Variants in CNOT1 observed in about 807,000 individuals in gnomAD.
CNOT1 encodes CCR4-NOT transcription complex subunit 1.
Under a neutral mutation model 273.8 loss-of-function variants are expected in CNOT1, and 15 were observed. That is an observed-to-expected ratio of 0.05 (90% CI 0.04 to 0.08). The LOEUF (loss-of-function observed/expected upper bound fraction) is 0.08, where lower values mean the gene tolerates loss of function less well. Ranked by LOEUF, CNOT1 falls within the 10% of genes least tolerant of loss-of-function variation. The pLI is 1.00. For missense variants in CNOT1, 1,644 were observed against 2,912.2 expected (o/e 0.56, Z 10.02); for synonymous variants, 1,022 against 1,005.5 (o/e 1.02, Z -0.31).
chr16:58,581,213 G>C, intron 11 of CNOT1, 132 bp downstream of exon 11: 1 of 1,028,958 alleles, frequency 9.7e-7, no homozygotes, highest in South Asian at 2.1e-5. Flanking sequence ...CTTATGGACA[G>C]TCCTTGCTTT....
intron 44 of CNOT1, among the ~76,000 whole-genome samples, chr16:58,527,079 A>G (rs958117337): frequency 6.6e-6 from 1 of 152,164 alleles, no homozygotes; most frequent in Non-Finnish European, 1.5e-5. Flanking sequence ...GGGTGGTGAG[A>G]TTTTAAGTGG....
At position 58,623,192 on chromosome 16, in the gene CNOT1, A is replaced by G. The variant is rs1445221140; in HGVS notation, c.-175+6536T>C. On this transcript the variant is annotated intron_variant, in intron 1 of 48. Coordinates refer to ENST00000317147, the MANE Select transcript of CNOT1 (RefSeq NM_016284.5). Reference sequence around the variant, plus strand: ...GGGATACAGCGAGACTCTGCCTCCAAAAAAAAAAAGAAAAGAAAATACTTC... The same window carrying G: ...GGGATACAGCGAGACTCTGCCTCCAGAAAAAAAAAGAAAAGAAAATACTTC... 7.9e-4 allele frequency: 8 copies of G among 10,082 alleles called. 2 individuals are homozygous for G. The highest frequency in any genetic ancestry group is 3.1e-3 in the Admixed American group (6 of 1,928). 0.6% of individuals were successfully genotyped at this position (10,082 alleles called of 1,614,324 possible). A position where few individuals can be genotyped will look rare whatever the true frequency, so the allele number is the denominator to read the frequency against.
At chr16:58,596,916 A>C (rs1004842101) in intron 2 of CNOT1, among the ~76,000 whole-genome samples, 2 of 123,738 alleles carry the variant, frequency 1.6e-5, no homozygotes, top group Non-Finnish European at 1.7e-5. Flanking sequence ...AAAAAAAAAA[A>C]ACAAAAGTCA....
Position 58,556,894 on chromosome 16 carries a change from G to A in CNOT1, c.2432C>T (p.Thr811Ile). 1 of 1,614,106 alleles carries A rather than the reference G, an allele frequency of 6.2e-7. No individual in the cohort carries two copies. The change falls in exon 19 of 49, where the codon ACC becomes ATC. Residue 811 changes from threonine to isoleucine, a missense_variant. Thr to Ile is a moderately conservative substitution (Grantham distance 89). Around this residue, in one of 13 missense-constraint regions of CNOT1, gnomAD observed 706 missense variants for 1,021.2 expected, o/e 0.69. Transcript: ENST00000317147. ...GAATGTAGGCTGATTCAGTCCAGAG[G>A]TGCCCAGTTTCCTCTGTACAAAAGG... is the stretch of plus-strand genomic sequence containing the variant. ...NDPFVQRKLG[T>I]SGLNQPTFQQ...
chr16:58,524,298 G>A (rs1160342802), intron 46 of CNOT1, among the ~76,000 whole-genome samples: 2 of 148,468 alleles, frequency 1.3e-5, no homozygotes, highest in Non-Finnish European at 3.0e-5. Context: ...TCCTAAAAAG[G>A]TCTTGACACC....
chr16:58,533,885 T>TA (rs2039852041), intron 40 of CNOT1, among the ~76,000 whole-genome samples: 1 of 152,034 alleles, frequency 6.6e-6, no homozygotes, highest in Admixed American at 6.5e-5. Context: ...ATCCCAGCAC[T>TA]ACGGGAAGCC....
chr16:58,553,600 T>C (rs541752137), intron 22 of CNOT1, among the ~76,000 whole-genome samples, 182 bp downstream of exon 22: 2 of 152,332 alleles, frequency 1.3e-5, no homozygotes, highest in African/African-American at 2.4e-5. Context: ...ATGATTATTT[T>C]TTCATGTTCT....
intron 1 of CNOT1, among the ~76,000 whole-genome samples, chr16:58,602,566 A>ACAAAC (rs1567437579): frequency 6.8e-6 from 1 of 147,948 alleles, no homozygotes; most frequent in Non-Finnish European, 1.5e-5. Flanking sequence ...AAAAAAAAAA[A>ACAAAC]AAAAAAAAAA....
rs2043754636 is a variant in CNOT1 at position 58,629,725 on chromosome 16, C to T, written c.-175+3G>A. The T allele has an allele frequency of 6.6e-6, 1 of 152,598 alleles. No individual in the cohort carries two copies. The highest frequency in any genetic ancestry group is 1.5e-5 in the Non-Finnish European group (1 of 68,220). The allele number at this position is 152,598 out of a possible 1,614,324, so 9.5% of individuals were successfully genotyped here. On this transcript the variant is annotated splice_donor_region_variant and intron_variant, in intron 1 of 48. Transcript: ENST00000317147. ...CCTAGCCCCTGACGCCAACCCGCCTCACCTCAGGCGGCTCCGGCAGCGCTG... is the reference window on the plus strand; with the variant it reads ...CCTAGCCCCTGACGCCAACCCGCCTTACCTCAGGCGGCTCCGGCAGCGCTG...
At chr16:58,576,403 G>A (rs942825898) in intron 14 of CNOT1, 60 bp downstream of exon 14, 3 of 1,606,156 alleles carry the variant, frequency 1.9e-6, no homozygotes, top group African/African-American at 1.3e-5. Context: ...GAGCCACCGC[G>A]CCCGGCCTTT....
At chr16:58,612,252 C>T (rs2042927659) in intron 1 of CNOT1, among the ~76,000 whole-genome samples, 1 of 152,134 alleles carries the variant, frequency 6.6e-6, no homozygotes, top group Admixed American at 6.6e-5. Context: ...GTAGGCAAGA[C>T]CCAACGCTAT....
At chr16:58,545,052 T>C (rs1358159129) in intron 30 of CNOT1, among the ~76,000 whole-genome samples, 2 of 152,240 alleles carry the variant, frequency 1.3e-5, no homozygotes, top group African/African-American at 2.4e-5. Flanking sequence ...AAAGCTATGA[T>C]ATACATTAAG....
At chr16:58,544,192 G>A (rs2040184217) in intron 30 of CNOT1, among the ~76,000 whole-genome samples, 1 of 152,014 alleles carries the variant, frequency 6.6e-6, no homozygotes, top group Non-Finnish European at 1.5e-5. Context: ...ACACACTGCT[G>A]GCTTATTTAA....
chr16:58,576,842 TCTGA>T (rs1484200196), intron 13 of CNOT1, among the ~76,000 whole-genome samples: 1 of 152,336 alleles, frequency 6.6e-6, no homozygotes, highest in East Asian at 1.9e-4. Context: ...CTATTTTAAG[TCTGA>T]CTATCATTTT....
chr16:58,534,102 C>A, intron 40 of CNOT1, 45 bp downstream of exon 40: 1 of 1,433,400 alleles, frequency 7.0e-7, no homozygotes, highest in Non-Finnish European at 9.2e-7. Flanking sequence ...AAATAAAACA[C>A]CCCACTGATG....
At chr16:58,549,616 T>C in intron 25 of CNOT1, 103 bp downstream of exon 25, 1 of 1,451,482 alleles carries the variant, frequency 6.9e-7, no homozygotes, top group Non-Finnish European at 9.0e-7. Flanking sequence ...AGGTACCTAA[T>C]ATTGACAATA....
At chr16:58,594,168 C>T (rs1219705412) in intron 2 of CNOT1, among the ~76,000 whole-genome samples, 1 of 152,042 alleles carries the variant, frequency 6.6e-6, no homozygotes, top group Non-Finnish European at 1.5e-5. Context: ...CGCTTGAACC[C>T]GGGAGGCGGA....
chr16:58,557,661 A>G (rs1033239111), intron 18 of CNOT1, among the ~76,000 whole-genome samples: 1 of 152,146 alleles, frequency 6.6e-6, no homozygotes, highest in African/African-American at 2.4e-5. Context: ...TTTTATTTCA[A>G]TGTAAAGTTA....
At chr16:58,526,512 A>T (rs1344800042) in intron 44 of CNOT1, among the ~76,000 whole-genome samples, 2 of 49,026 alleles carry the variant, frequency 4.1e-5, no homozygotes, top group South Asian at 7.0e-4. Context: ...CTTACTCCTT[A>T]AAAAAAAAAA....
Sources: allele counts gnomAD v4.1 joint callset (sites outside exome capture counted in the v4.1 genomes callset), GRCh38; gene constraint gnomAD v4.1.1; regional missense constraint gnomAD v4.1.1; transcripts MANE v1.5; gene names NCBI Gene and HGNC (gene_info 2026-07-23, HGNC 2026-07-21).